Variants in RGS8 observed in about 807,000 individuals in gnomAD.
The protein encoded by RGS8 is regulator of G protein signaling 8.
In RGS8, 8 loss-of-function variants were observed where a neutral mutation model predicts 21.7. The observed-to-expected ratio is 0.37, with a 90% CI of 0.22 to 0.66. The LOEUF is 0.66. Ranked by LOEUF, RGS8 falls within the 30% of genes least tolerant of loss-of-function variation. The pLI is 0.59. For synonymous variants in RGS8, 80 were observed against 83.6 expected, an observed-to-expected ratio of 0.96 and a Z score of 0.24; for missense variants, 157 against 217.9, an observed-to-expected ratio of 0.72 and a Z score of 1.76.
chr1:182,685,091 C>CAA (rs34359463), upstream of RGS8, among the ~76,000 whole-genome samples: 14 of 137,044 alleles, frequency 1.0e-4, no homozygotes, highest in Non-Finnish European at 1.4e-4. Context: ...CTCAAAGAGG[C>CAA]AAAAAAAAAA....
the RGS8 span, among the ~76,000 whole-genome samples, chr1:182,716,169 C>A: frequency 2.3e-4 from 35 of 151,558 alleles, no homozygotes; most frequent in East Asian, 6.2e-3. Context: ...TTTGTCGCCC[C>A]GGCTGGAGTA....
At chr1:182,726,815 C>T in the RGS8 span, among the ~76,000 whole-genome samples, 1 of 152,150 alleles carries the variant, frequency 6.6e-6, no homozygotes, top group African/African-American at 2.4e-5. Flanking sequence ...AAGGAAAACC[C>T]ATGATGGAAG....
intron 3 of RGS8, 40 bp from the exon 5 acceptor site, chr1:182,667,013 A>C: frequency 7.4e-4 from 1,104 of 1,499,612 alleles, no homozygotes; most frequent in Non-Finnish European, 9.5e-4. Flanking sequence ...GGAAACTCTC[A>C]TGATCACAGC....
the RGS8 span, among the ~76,000 whole-genome samples, chr1:182,712,460 C>T: frequency 6.6e-6 from 1 of 152,162 alleles, no homozygotes. Flanking sequence ...GTTTCTAGAG[C>T]CTTTATTGAT....
upstream of RGS8, among the ~76,000 whole-genome samples, chr1:182,688,212 TTA>T (rs74553361): frequency 1.2e-4 from 19 of 152,340 alleles, no homozygotes; most frequent in East Asian, 1.9e-4. Context: ...GTCTTGATTT[TTA>T]TCTTTTATTG....
At chr1:182,733,297 C>T in the RGS8 span, among the ~76,000 whole-genome samples, 799 of 152,244 alleles carry the variant, frequency 5.2e-3, 12 homozygotes, top group African/African-American at 0.018. Context: ...AATGATATGC[C>T]GTGCTCAATA....
At chr1:182,713,059 C>G in the RGS8 span, among the ~76,000 whole-genome samples, 1 of 152,188 alleles carries the variant, frequency 6.6e-6, no homozygotes, top group Non-Finnish European at 1.5e-5. Flanking sequence ...AAGTTGCCAT[C>G]GTCCCAAATT....
the RGS8 span, among the ~76,000 whole-genome samples, chr1:182,700,872 G>C: frequency 6.6e-6 from 1 of 152,284 alleles, no homozygotes; most frequent in Non-Finnish European, 1.5e-5. Context: ...CCAGAAAAAA[G>C]TAATTATTTA....
At chr1:182,688,980 G>A (rs115892741), upstream of RGS8, among the ~76,000 whole-genome samples, 610 of 152,318 alleles carry the variant, frequency 4.0e-3, 5 homozygotes, top group African/African-American at 0.014. Context: ...CTACAGAGCT[G>A]TAAGATAATA....
chr1:182,712,295 G>A, the RGS8 span, among the ~76,000 whole-genome samples: 4 of 152,138 alleles, frequency 2.6e-5, no homozygotes, highest in Non-Finnish European at 5.9e-5. Flanking sequence ...CAGGCATTCA[G>A]AATGTAAACT....
chr1:182,680,746 C>G (rs1374468008), intron 1 of RGS8, among the ~76,000 whole-genome samples: 2 of 152,194 alleles, frequency 1.3e-5, no homozygotes, highest in Non-Finnish European at 2.9e-5. Context: ...TATTTTTCAT[C>G]TCTACACCTC....
chr1:182,687,025 G>A (rs1245136511), upstream of RGS8, among the ~76,000 whole-genome samples: 7 of 152,050 alleles, frequency 4.6e-5, no homozygotes, highest in African/African-American at 7.2e-5. Flanking sequence ...GATGAAAATG[G>A]CAAAAAGAAT....
the RGS8 span, among the ~76,000 whole-genome samples, chr1:182,744,304 T>A: frequency 5.3e-5 from 8 of 151,720 alleles, no homozygotes; most frequent in African/African-American, 1.9e-4. Context: ...AAAAAAAAAA[T>A]TGTGGAGATG....
intron 5 of RGS8, among the ~76,000 whole-genome samples, chr1:182,652,689 CCAAGA>C (rs1404167781): frequency 1.3e-5 from 2 of 151,992 alleles, no homozygotes; most frequent in Non-Finnish European, 2.9e-5. Context: ...GAAGTTTGAG[CCAAGA>C]AAACATAATG....
At chr1:182,713,169 C>G in the RGS8 span, among the ~76,000 whole-genome samples, 1 of 152,054 alleles carries the variant, frequency 6.6e-6, no homozygotes, top group Non-Finnish European at 1.5e-5. Context: ...CAAAATTGCT[C>G]TCTTTATTTT....
chr1:182,702,821 A>G, the RGS8 span, among the ~76,000 whole-genome samples: 1 of 152,192 alleles, frequency 6.6e-6, no homozygotes, highest in Admixed American at 6.5e-5. Flanking sequence ...GAAAGAGGTA[A>G]AAAGTTTTGT....
the RGS8 span, among the ~76,000 whole-genome samples, chr1:182,713,424 T>C: frequency 3.3e-5 from 5 of 152,208 alleles, no homozygotes; most frequent in African/African-American, 4.8e-5. Flanking sequence ...CCTCCAGTGA[T>C]CTGCCTGCCT....
intron 5 of RGS8, among the ~76,000 whole-genome samples, chr1:182,649,672 G>T (rs1008250389): frequency 6.6e-6 from 1 of 152,116 alleles, no homozygotes; most frequent in African/African-American, 2.4e-5. Flanking sequence ...CACATTTATT[G>T]ATAGCTTATG....
chr1:182,678,490 A>T (rs1451332770), intron 1 of RGS8, among the ~76,000 whole-genome samples: 1 of 152,232 alleles, frequency 6.6e-6, no homozygotes, highest in Non-Finnish European at 1.5e-5. Flanking sequence ...TAGAGTGGGT[A>T]TAACTCCTAG....
Sources: gnomAD v4.1 joint callset for allele counts (sites outside exome capture counted in the v4.1 genomes callset) on GRCh38, gnomAD v4.1.1 for gene constraint, MANE v1.5 for transcripts, NCBI Gene and HGNC (gene_info 2026-07-23, HGNC 2026-07-21) for gene names.